The following GRIN3A variants were observed in gnomAD, a reference collection of about 807,000 sequenced individuals.
GRIN3A encodes the protein glutamate receptor ionotropic, NMDA 3A.
Under a neutral mutation model 92.4 loss-of-function variants are expected in GRIN3A, and 47 were observed. The ratio of observed to expected loss-of-function variants is 0.51; its 90% CI spans 0.40 to 0.65. The LOEUF is 0.65. Among genes scored for constraint, GRIN3A ranks in the 30% least tolerant of loss-of-function variants. The pLI is 0.00. For missense variants in GRIN3A, 1,324 were observed against 1,393.1 expected (o/e 0.95, Z 0.79); for synonymous variants, 527 against 540.6 (o/e 0.97, Z 0.35).
chr9:101,610,145 T>C (rs1828341087), intron 6 of GRIN3A, among the ~76,000 whole-genome samples: 1 of 152,238 alleles, frequency 6.6e-6, no homozygotes, highest in Admixed American at 6.5e-5. Context: ...TTAACTCAAT[T>C]GACTGGTATA....
intron 1 of GRIN3A, among the ~76,000 whole-genome samples, chr9:101,713,793 A>C (rs1829910727): frequency 6.6e-6 from 1 of 152,110 alleles, no homozygotes; most frequent in African/African-American, 2.4e-5. Context: ...ACCAAAACCA[A>C]GACTGGGTAT....
chr9:101,702,374 C>G (rs1160594879), intron 1 of GRIN3A, among the ~76,000 whole-genome samples: 1 of 152,144 alleles, frequency 6.6e-6, no homozygotes, highest in Admixed American at 6.6e-5. Flanking sequence ...CACCATCCAT[C>G]CAAACAACTT....
chr9:101,625,509 T>C (rs1473801646), intron 4 of GRIN3A, among the ~76,000 whole-genome samples: 1 of 152,230 alleles, frequency 6.6e-6, no homozygotes, highest in East Asian at 1.9e-4. Context: ...AGCTTCCCTT[T>C]TTGGTACCAA....
At chr9:101,601,542 G>A (rs548968425) in intron 6 of GRIN3A, among the ~76,000 whole-genome samples, 3 of 152,276 alleles carry the variant, frequency 2.0e-5, no homozygotes, top group Admixed American at 6.5e-5. Context: ...CAGCACAAAC[G>A]GGGTGGCTTA....
Position 101,687,205 on chromosome 9 carries a change from A to G in GRIN3A, c.700-5T>C. The G allele has an allele frequency of 1.2e-6, 2 of 1,613,728 alleles. No individual in the cohort carries two copies. Among genetic ancestry groups the G allele is most frequent in the Non-Finnish European group, 8.5e-7 (1 of 1,179,734 alleles). On this transcript the variant is annotated splice_polypyrimidine_tract_variant and splice_region_variant and intron_variant, in intron 1 of 8. Transcript: ENST00000361820. ...CAGTTGTAGGTGAAGGGGATTCTGT[A>G]TTTAAAGATATGAAAAAGAAGAATT...
At chr9:101,686,465 A>G in intron 2 of GRIN3A, 131 bp downstream of exon 2, 1 of 1,046,964 alleles carries the variant, frequency 9.6e-7, no homozygotes, top group Non-Finnish European at 1.5e-6. Context: ...ATAACCAGAA[A>G]TCCTCTAAGA....
intron 1 of GRIN3A, among the ~76,000 whole-genome samples, chr9:101,700,882 C>G (rs1195609233): frequency 6.6e-6 from 1 of 152,030 alleles, no homozygotes; most frequent in Admixed American, 6.6e-5. Flanking sequence ...AGAAAGATGT[C>G]AGAAGTTTTA....
intron 6 of GRIN3A, among the ~76,000 whole-genome samples, chr9:101,584,431 G>C (rs1490068652): frequency 1.3e-5 from 2 of 152,182 alleles, no homozygotes; most frequent in African/African-American, 4.8e-5. Context: ...ATGTTGCATG[G>C]AGGAATACCA....
At chr9:101,583,702 G>T (rs569596815) in intron 6 of GRIN3A, among the ~76,000 whole-genome samples, 4 of 152,250 alleles carry the variant, frequency 2.6e-5, no homozygotes, top group East Asian at 1.9e-4. Flanking sequence ...CCATGTAAAT[G>T]AATGCAAAAA....
intron 1 of GRIN3A, among the ~76,000 whole-genome samples, chr9:101,705,938 C>T (rs1829811502): frequency 1.3e-5 from 2 of 152,046 alleles, no homozygotes; most frequent in African/African-American, 4.8e-5. Context: ...AATTCAAAAT[C>T]AAGCTCTACA....
chr9:101,660,342 T>G (rs563421520), intron 3 of GRIN3A, among the ~76,000 whole-genome samples: 1 of 151,924 alleles, frequency 6.6e-6, no homozygotes, highest in Non-Finnish European at 1.5e-5. Context: ...GCTCAAACAC[T>G]CTGGGTCACC....
At chr9:101,638,599 TTAA>T (rs1461908777) in intron 3 of GRIN3A, among the ~76,000 whole-genome samples, 4 of 152,242 alleles carry the variant, frequency 2.6e-5, no homozygotes, top group African/African-American at 9.6e-5. Flanking sequence ...GCATGGGATA[TTAA>T]TAACCATAAT....
In GRIN3A at chr9:101,672,674, C is replaced by T. The variant is rs187923709; in HGVS notation, c.1305-1567G>A. ...AAAATCAGAAAGTGTGAAGTACGTA[C>T]TAATTTTCATTAGAGATATAAATGT... is the stretch of plus-strand genomic sequence containing the variant. On this transcript the variant is annotated intron_variant, in intron 2 of 8. Transcript: ENST00000361820. Among the ~76,000 whole-genome samples, 41 of 152,230 alleles carry T rather than the reference C, an allele frequency of 2.7e-4. No individual in the cohort carries two copies. The East Asian group carries it at 7.9e-3, about 29-fold the overall frequency.
chr9:101,635,467 C>T (rs1255543014), intron 3 of GRIN3A, among the ~76,000 whole-genome samples: 1 of 152,158 alleles, frequency 6.6e-6, no homozygotes, highest in Non-Finnish European at 1.5e-5. Context: ...TTTGCTGTCC[C>T]CTGATATAGA....
In GRIN3A at chr9:101,670,176, T is replaced by TGG; in HGVS notation, c.2235_2236insCC (p.Met746ProfsTer2). The TGG allele has an allele frequency of 1.9e-6, 3 of 1,613,906 alleles. No homozygotes were observed. Among genetic ancestry groups the TGG allele is most frequent in the Non-Finnish European group, 2.5e-6 (3 of 1,179,848 alleles). ...ATACAGAAAATGGCCCAAAGGTTCA[T>TGG]TAGAAACCTTCCAGTCCAACATTTT... On this transcript the variant is annotated frameshift_variant, in exon 3 of 9. Coordinates refer to ENST00000361820, the MANE Select transcript of GRIN3A (RefSeq NM_133445.3). LOFTEE classifies it high-confidence loss of function.
At chr9:101,650,425 T>C (rs1828998773) in intron 3 of GRIN3A, among the ~76,000 whole-genome samples, 1 of 152,000 alleles carries the variant, frequency 6.6e-6, no homozygotes, top group Admixed American at 6.6e-5. Flanking sequence ...AGCCCTCTGT[T>C]ATCACCATGA....
intron 4 of GRIN3A, 76 bp downstream of exon 4, chr9:101,628,180 A>G: frequency 6.8e-7 from 1 of 1,460,294 alleles, no homozygotes; most frequent in Non-Finnish European, 9.6e-7. Flanking sequence ...TCAGAAACTA[A>G]CATATACTGC....
At chr9:101,594,820 T>A in intron 6 of GRIN3A, 1 of 1,611,484 alleles carries the variant, frequency 6.2e-7, no homozygotes, top group Non-Finnish European at 8.5e-7. Flanking sequence ...GAGACCCTGA[T>A]TTGTCCAAGT....
intron 1 of GRIN3A, among the ~76,000 whole-genome samples, chr9:101,692,137 T>C (rs4403466): frequency 6.6e-6 from 1 of 152,196 alleles, no homozygotes; most frequent in South Asian, 2.1e-4. Context: ...TCTATTTTCA[T>C]ACAATGGTCT....
Sources: allele counts gnomAD v4.1 joint callset (sites outside exome capture counted in the v4.1 genomes callset), GRCh38; gene constraint gnomAD v4.1.1; transcripts MANE v1.5; gene names NCBI Gene and HGNC (gene_info 2026-07-23, HGNC 2026-07-21).